SMYD3: variants seen among roughly 807,000 people sequenced by gnomAD.
SMYD3 encodes histone-lysine N-methyltransferase SMYD3.
A neutral mutation model predicts 57.7 loss-of-function variants in SMYD3; 36 were observed. That is an observed-to-expected ratio of 0.62 (90% CI 0.48 to 0.82). The LOEUF is 0.82. Ranked by LOEUF, SMYD3 falls within the 40% of genes least tolerant of loss-of-function variation. The pLI is 0.00. For synonymous variants in SMYD3, 211 were observed against 195.0 expected (o/e 1.08, Z -0.68); for missense variants, 515 against 538.8 (o/e 0.96, Z 0.44).
At position 246,063,747 on chromosome 1, in the gene SMYD3, C is replaced by G. The variant is rs140886946; in HGVS notation, c.532-133810G>C. Among the ~76,000 whole-genome samples the G allele has an allele frequency of 3.4e-3, 512 of 152,218 alleles. 2 individuals are homozygous for G. Among genetic ancestry groups the G allele is most frequent in the African/African-American group, 0.011 (472 of 41,522 alleles). On this transcript the variant is annotated intron_variant, in intron 5 of 11. Transcript: ENST00000490107. ...TTCCACCTCCCAGGTTCAAGCAATT[C>G]TCCTGCCTCAGCCTCCCGAGTAGCT... is the stretch of plus-strand genomic sequence containing the variant.
chr1:245,817,550 T>C (rs895325562), intron 10 of SMYD3, among the ~76,000 whole-genome samples: 1 of 152,216 alleles, frequency 6.6e-6, no homozygotes, highest in East Asian at 1.9e-4. Context: ...GGACGGAGAA[T>C]GACTTTGATG....
chr1:246,088,367 T>A (rs533573859), intron 5 of SMYD3, among the ~76,000 whole-genome samples: 14 of 152,014 alleles, frequency 9.2e-5, no homozygotes, highest in African/African-American at 2.9e-4. Flanking sequence ...CCCAGCACTT[T>A]GGGAGGCTGA....
At chr1:246,233,485 G>T (rs1464534230) in intron 5 of SMYD3, among the ~76,000 whole-genome samples, 7 of 135,994 alleles carry the variant, frequency 5.1e-5, no homozygotes, top group Admixed American at 2.2e-4. Flanking sequence ...CAGAGGAGAA[G>T]CACTCCTCAA....
intron 5 of SMYD3, among the ~76,000 whole-genome samples, chr1:245,952,047 A>G (rs2057671962): frequency 7.0e-6 from 1 of 142,898 alleles, no homozygotes; most frequent in African/African-American, 2.8e-5. Flanking sequence ...AATGATTTAG[A>G]TTAGAATTTG....
intron 10 of SMYD3, among the ~76,000 whole-genome samples, chr1:245,770,874 G>C (rs549018273): frequency 1.2e-3 from 188 of 152,246 alleles, no homozygotes; most frequent in Non-Finnish European, 2.2e-3. Context: ...TCTAACATTA[G>C]ATTAGTCAGA....
At chr1:246,497,428 T>C (rs903286330) in intron 1 of SMYD3, among the ~76,000 whole-genome samples, 1 of 152,204 alleles carries the variant, frequency 6.6e-6, no homozygotes, top group African/African-American at 2.4e-5. Flanking sequence ...TCAGAGACAG[T>C]GTTTTAGTGG....
At chr1:245,814,303 A>G (rs1424813446) in intron 10 of SMYD3, 8 of 884,116 alleles carry the variant, frequency 9.0e-6, no homozygotes, top group Non-Finnish European at 9.5e-6. Flanking sequence ...TATCCAAACC[A>G]CTGTCTTCAT....
intron 10 of SMYD3, among the ~76,000 whole-genome samples, chr1:245,853,509 G>A (rs1442780330): frequency 2.0e-5 from 3 of 152,098 alleles, no homozygotes; most frequent in Non-Finnish European, 2.9e-5. Flanking sequence ...AGCGCTGGGC[G>A]CGTGGCTGCA....
intron 8 of SMYD3, among the ~76,000 whole-genome samples, chr1:245,883,323 G>C (rs1290464367): frequency 6.6e-6 from 1 of 152,112 alleles, no homozygotes; most frequent in Non-Finnish European, 1.5e-5. Context: ...AAAGACGGAA[G>C]ACATACTCTA....
At chr1:245,832,928 G>C (rs1269498677) in intron 10 of SMYD3, among the ~76,000 whole-genome samples, 1 of 152,000 alleles carries the variant, frequency 6.6e-6, no homozygotes, top group Non-Finnish European at 1.5e-5. Context: ...TGGAGTGATA[G>C]TTCTTCATAA....
At chr1:245,802,489 T>A (rs778517708) in intron 10 of SMYD3, among the ~76,000 whole-genome samples, 34 of 152,230 alleles carry the variant, frequency 2.2e-4, no homozygotes, top group Non-Finnish European at 1.3e-4. Context: ...TGAAAAATGA[T>A]TGGTTTTTTA....
chr1:246,299,750 C>T (rs915295538), intron 5 of SMYD3, among the ~76,000 whole-genome samples: 1 of 151,986 alleles, frequency 6.6e-6, no homozygotes. Context: ...AACCAAACAC[C>T]GCATGTTCTC....
At chr1:246,482,341 C>A (rs1013121396) in intron 1 of SMYD3, among the ~76,000 whole-genome samples, 1 of 152,136 alleles carries the variant, frequency 6.6e-6, no homozygotes, top group Admixed American at 6.6e-5. Flanking sequence ...ATAGATACAT[C>A]CTCAATGTTA....
chr1:245,847,121 T>C (rs754407092), intron 10 of SMYD3, among the ~76,000 whole-genome samples: 7 of 152,208 alleles, frequency 4.6e-5, no homozygotes, highest in Non-Finnish European at 1.0e-4. Flanking sequence ...ACAATAAGAA[T>C]AGTACACATT....
At chr1:246,014,561 C>T (rs889961526) in intron 5 of SMYD3, among the ~76,000 whole-genome samples, 1 of 152,128 alleles carries the variant, frequency 6.6e-6, no homozygotes, top group African/African-American at 2.4e-5. Context: ...CTCCAAAATA[C>T]GGTAAATGAC....
intron 5 of SMYD3, among the ~76,000 whole-genome samples, chr1:246,257,040 A>C (rs1475929054): frequency 2.0e-5 from 3 of 152,172 alleles, no homozygotes; most frequent in African/African-American, 7.2e-5. Context: ...GCTATGATTT[A>C]GATTTTTTCA....
intron 9 of SMYD3, 68 bp downstream of exon 9, chr1:245,863,731 C>T (rs964954402): frequency 2.7e-6 from 4 of 1,478,940 alleles, no homozygotes; most frequent in African/African-American, 2.8e-5. Flanking sequence ...GACCTCATTA[C>T]GACAGGGCTT....
At chr1:245,919,142 T>C (rs138520859) in intron 7 of SMYD3, among the ~76,000 whole-genome samples, 3 of 152,342 alleles carry the variant, frequency 2.0e-5, no homozygotes, top group East Asian at 1.9e-4. Context: ...GCCTGCAGTG[T>C]ACCTTTCATC....
chr1:245,956,860 T>C (rs1224783824), intron 5 of SMYD3, among the ~76,000 whole-genome samples: 1 of 152,256 alleles, frequency 6.6e-6, no homozygotes, highest in Non-Finnish European at 1.5e-5. Context: ...GTTTGAACAT[T>C]GCATACCCAT....
Sources: allele counts gnomAD v4.1 joint callset (sites outside exome capture counted in the v4.1 genomes callset), GRCh38; gene constraint gnomAD v4.1.1; transcripts MANE v1.5; gene names NCBI Gene and HGNC (gene_info 2026-07-23, HGNC 2026-07-21).